The following NIBAN3 variants were observed in gnomAD, a reference collection of about 807,000 sequenced individuals.
NIBAN3 encodes the protein protein Niban 3.
Under a neutral mutation model 76.4 loss-of-function variants are expected in NIBAN3, and 66 were observed. The observed-to-expected ratio is 0.86, with a 90% CI of 0.71 to 1.06. The LOEUF is 1.06. NIBAN3 is among the 50% of genes least tolerant of loss of function. The pLI is 0.00. For synonymous variants in NIBAN3, 360 were observed against 355.2 expected (o/e 1.01, Z -0.15); for missense variants, 808 against 810.7 (o/e 1.00, Z 0.04).
Position 17,527,294 on chromosome 19 carries a change from C to T in NIBAN3, c.-47C>T, listed in dbSNP as rs1317261444. 5.8e-6 allele frequency: 9 copies of T among 1,550,526 alleles called. No individual in the cohort carries two copies. The South Asian group carries it at 8.3e-5, about 14-fold the overall frequency. On this transcript the variant is annotated 5_prime_UTR_variant, in exon 1 of 15. Transcript: ENST00000599164. ...GTGCCCCTGAGCCGAGGAACGCAGG[C>T]GGTGGTCGTGGGGAAGGGAAGAGGA...
chr19:17,539,582 C>A lies in NIBAN3; in HGVS notation c.817-21C>A, dbSNP rs764995902. On this transcript the variant is annotated intron_variant, in intron 7 of 14. Coordinates refer to ENST00000599164, the MANE Select transcript of NIBAN3 (RefSeq NM_001321827.2). ...CCCGCCCCGTGTCTCGGCTTTGTCC[C>A]CCCTCGACCGGTCTGGGCAGCTTCT... The A allele has an allele frequency of 2.8e-5, 42 of 1,520,824 alleles. No individual in the cohort carries two copies. In the South Asian group the frequency reaches 5.0e-4, roughly 18 times the overall value. The allele number at this position is 1,520,824 out of a possible 1,614,324, so 94.2% of individuals were successfully genotyped here.
intron 10 of NIBAN3, among the ~76,000 whole-genome samples, chr19:17,543,059 TC>T (rs1211806141): frequency 1.3e-5 from 2 of 152,112 alleles, no homozygotes; most frequent in African/African-American, 4.8e-5. Flanking sequence ...GGCTCCCTAC[TC>T]CCCATTCTGG....
In NIBAN3 at chr19:17,549,498, T is replaced by G; in HGVS notation, c.1721T>G (p.Leu574Trp). Residue 574 changes from leucine (L) to tryptophan (W), a missense_variant, in exon 14 of 15, where the codon TTG becomes TGG. Leu to Trp is a moderately conservative substitution (Grantham distance 61). Coordinates refer to ENST00000599164, the MANE Select transcript of NIBAN3 (RefSeq NM_001321827.2). ...NDVSCTLDGC[L>W]EVPWEQEGAD... ...GTATCCTGCACTCTGGACGGCTGCT[T>G]GGAGGTCCCATGGGAACAGGAGGGA... is the stretch of plus-strand genomic sequence containing the variant. 6.2e-7 allele frequency: 1 copy of G among 1,613,770 alleles called. No individual in the cohort carries two copies. The highest frequency in any genetic ancestry group is 1.1e-5 in the South Asian group (1 of 91,076).
In NIBAN3 at chr19:17,546,769, G is replaced by T; in HGVS notation, c.1638G>T (p.Arg546=). Residue 546 remains arginine, a synonymous_variant, in exon 13 of 15, where the codon CGG becomes CGT. Transcript: ENST00000599164. The stretch of plus-strand genomic sequence containing the variant: ...AGGGCATCTATGAGGACGTCATCCG[G>T]GGGTGCTTGCTGCAGAGGATTGACC... ...TTEGIYEDVI[R]GCLLQRIDQE... 1.2e-6 allele frequency: 2 copies of T among 1,603,468 alleles called. No individual in the cohort carries two copies. Among genetic ancestry groups the T allele is most frequent in the South Asian group, 1.1e-5 (1 of 88,712 alleles).
intron 14 of NIBAN3, among the ~76,000 whole-genome samples, chr19:17,550,867 C>G (rs1462140817): frequency 3.5e-5 from 1 of 28,834 alleles, no homozygotes; most frequent in Non-Finnish European, 7.5e-5. Context: ...TTTTTTTTTT[C>G]AAATGCAGGT....
At chr19:17,525,713 C>G (rs2075599642), upstream of NIBAN3, among the ~76,000 whole-genome samples, 1 of 152,128 alleles carries the variant, frequency 6.6e-6, no homozygotes, top group Admixed American at 6.6e-5. Context: ...AGGCTGGGCC[C>G]TCAGTGGTGC....
In NIBAN3 at chr19:17,539,259, C is replaced by G. The variant is rs753490324; in HGVS notation, c.705C>G (p.Asp235Glu). The change falls in exon 6 of 15, where the codon GAC becomes GAG. Residue 235 changes from aspartate (D) to glutamate (E), a missense_variant. Coordinates refer to ENST00000599164, the MANE Select transcript of NIBAN3 (RefSeq NM_001321827.2). ...ACGACGACGTGACCCTAGGCTCAGA[C>G]GCCGAGGTTAGTGCCCCGCGAGGCC... ...FGDDDVTLGS[D>E]AEVLTAVLMR... 5.0e-6 allele frequency: 8 copies of G among 1,601,204 alleles called. No homozygotes were observed. Among genetic ancestry groups the G allele is most frequent in the Non-Finnish European group, 6.8e-6 (8 of 1,174,384 alleles).
Position 17,527,409 on chromosome 19 carries a change from G to C in NIBAN3, c.55+14G>C. On this transcript the variant is annotated intron_variant, in intron 1 of 14. Transcript: ENST00000599164. ...AGCACCTAAGGGGTGAGCAGCCGGG[G>C]AGGGGACAGGGTGGGAGTCCAGGTG... 1 of 1,484,192 alleles carries C rather than the reference G, an allele frequency of 6.7e-7. No homozygotes were observed. Among genetic ancestry groups the C allele is most frequent in the Non-Finnish European group, 9.0e-7 (1 of 1,109,838 alleles). 91.9% of individuals were successfully genotyped at this position (1,484,192 alleles called of 1,614,324 possible).
rs564296658 is a variant in NIBAN3, at chr19:17,535,974, C to G, written c.428-1402C>G. On this transcript the variant is annotated intron_variant, in intron 4 of 14. Transcript: ENST00000599164. The stretch of plus-strand genomic sequence containing the variant: ...GCAAAACTTAGCCACTGAAAGTGTC[C>G]CAGACGTATCAAGGAGCAAAATGAC... Among the ~76,000 whole-genome samples the G allele has an allele frequency of 3.3e-5, 5 of 151,904 alleles. No homozygotes were observed. The South Asian group carries it at 1.0e-3, about 32-fold the overall frequency.
intron 10 of NIBAN3, 141 bp from the exon 11 acceptor site, chr19:17,543,176 T>G: frequency 1.6e-6 from 1 of 631,602 alleles, no homozygotes; most frequent in Non-Finnish European, 2.8e-6. Flanking sequence ...GAAAGGTGTT[T>G]CCTGGGACAA....
In NIBAN3 at chr19:17,536,967, T is replaced by C. The variant is rs536833138; in HGVS notation, c.428-409T>C. 3.3e-5 allele frequency among the ~76,000 whole-genome samples: 5 copies of C among 152,164 alleles called. No homozygotes were observed. In the South Asian group the frequency reaches 1.0e-3, roughly 32 times the overall value. On this transcript the variant is annotated intron_variant, in intron 4 of 14. Coordinates refer to ENST00000599164, the MANE Select transcript of NIBAN3 (RefSeq NM_001321827.2). ...GCCTGGGTAACATAGTGAGACCCTGTCCCTTTTGTTAAAAAAAGAAAGAAA... is the reference window on the plus strand; with the variant it reads ...GCCTGGGTAACATAGTGAGACCCTGCCCCTTTTGTTAAAAAAAGAAAGAAA...
intron 5 of NIBAN3, among the ~76,000 whole-genome samples, chr19:17,537,766 C>T (rs1250662729): frequency 2.0e-5 from 3 of 151,782 alleles, no homozygotes; most frequent in Non-Finnish European, 2.9e-5. Flanking sequence ...GACAACATGG[C>T]GAAATCCTGT....
chr19:17,527,007 T>C (rs2144659511), upstream of NIBAN3, among the ~76,000 whole-genome samples: 1 of 152,188 alleles, frequency 6.6e-6, no homozygotes, highest in Non-Finnish European at 1.5e-5. Flanking sequence ...CCCATCCCCC[T>C]GTTCCAGCCC....
chr19:17,523,339 G>A (rs556541078), upstream of NIBAN3: 15 of 1,082,882 alleles, frequency 1.4e-5, no homozygotes, highest in East Asian at 2.8e-5. Flanking sequence ...GCGCAGAGGC[G>A]GCTGTGCAGG....
At chr19:17,537,896 A>G (rs1225481622) in intron 5 of NIBAN3, among the ~76,000 whole-genome samples, 1 of 151,142 alleles carries the variant, frequency 6.6e-6, no homozygotes, top group Non-Finnish European at 1.5e-5. Context: ...CAGTGAGCCA[A>G]GATCGCGGCA....
At chr19:17,547,350 C>T (rs1305068205) in intron 13 of NIBAN3, among the ~76,000 whole-genome samples, 25 of 62,696 alleles carry the variant, frequency 4.0e-4, no homozygotes, top group South Asian at 9.0e-4. Flanking sequence ...GAGACTATGT[C>T]TTTTTTTTTT....
At chr19:17,536,661 T>C (rs951936148) in intron 4 of NIBAN3, among the ~76,000 whole-genome samples, 1 of 152,186 alleles carries the variant, frequency 6.6e-6, no homozygotes, top group Non-Finnish European at 1.5e-5. Flanking sequence ...CACTTCAGCC[T>C]CCAAAGGTGC....
intron 13 of NIBAN3, among the ~76,000 whole-genome samples, chr19:17,547,405 A>G (rs1599756633): frequency 2.0e-5 from 2 of 100,344 alleles, no homozygotes; most frequent in Admixed American, 1.5e-4. Flanking sequence ...CCCAGGCTGG[A>G]GTGCAGTGGA....
chr19:17,526,106 G>A (rs1330540460), upstream of NIBAN3, among the ~76,000 whole-genome samples: 1 of 151,874 alleles, frequency 6.6e-6, no homozygotes, highest in African/African-American at 2.4e-5. Flanking sequence ...GAGGTCAGGA[G>A]TTTGAGACAA....
Sources: gnomAD v4.1 joint callset for allele counts (sites outside exome capture counted in the v4.1 genomes callset) on GRCh38, gnomAD v4.1.1 for gene constraint, MANE v1.5 for transcripts, NCBI Gene and HGNC (gene_info 2026-07-23, HGNC 2026-07-21) for gene names.